PMVK: variants seen among roughly 807,000 people sequenced by gnomAD.
The protein encoded by PMVK is phosphomevalonate kinase.
Under a neutral mutation model 19.0 loss-of-function variants are expected in PMVK, and 10 were observed. That is an observed-to-expected ratio of 0.53 (90% CI 0.32 to 0.89). The LOEUF (loss-of-function observed/expected upper bound fraction) is 0.89. Among genes scored for constraint, PMVK ranks in the 40% least tolerant of loss-of-function variants. The probability of loss-of-function intolerance (pLI) is 0.03; values close to 1 mark genes in which losing one functional copy is unlikely to be tolerated. For missense variants in PMVK, 222 were observed against 251.1 expected (o/e 0.88, Z 0.78); for synonymous variants, 108 against 101.6 (o/e 1.06, Z -0.38).
intron 1 of PMVK, among the ~76,000 whole-genome samples, chr1:154,932,892 G>A (rs1654381040): frequency 6.6e-6 from 1 of 152,190 alleles, no homozygotes; most frequent in Non-Finnish European, 1.5e-5. Context: ...CTTGAGGCCA[G>A]GAGTTCAAGA....
At chr1:154,938,254 C>T (rs1438928012), upstream of PMVK, among the ~76,000 whole-genome samples, 1 of 152,194 alleles carries the variant, frequency 6.6e-6, no homozygotes, top group Non-Finnish European at 1.5e-5. Context: ...AATGCACGCC[C>T]CTTACCTCCC....
At chr1:154,928,036 C>T (rs1654221862) in intron 3 of PMVK, among the ~76,000 whole-genome samples, 1 of 152,136 alleles carries the variant, frequency 6.6e-6, no homozygotes, top group African/African-American at 2.4e-5. Flanking sequence ...AATATATCCC[C>T]ACAACATGCA....
chr1:154,936,663 G>A lies in PMVK; in HGVS notation c.23C>T (p.Pro8Leu). Residue 8 changes from proline to leucine, a missense_variant, in exon 1 of 5, where the codon CCG becomes CTG. Coordinates refer to ENST00000368467, the MANE Select transcript of PMVK (RefSeq NM_006556.4). ...GCCGCTGAACAGCAGTACCAGCCGC[G>A]GGGCGCCTCCCAGCGGGGCCATGGG... MAPLGGA[P>L]RLVLLFSGKR... 1.9e-6 allele frequency: 3 copies of A among 1,608,154 alleles called. No homozygotes were observed. Among genetic ancestry groups the A allele is most frequent in the Non-Finnish European group, 2.5e-6 (3 of 1,177,810 alleles).
upstream of PMVK, among the ~76,000 whole-genome samples, chr1:154,941,609 T>C (rs961621519): frequency 6.6e-6 from 1 of 152,094 alleles, no homozygotes; most frequent in African/African-American, 2.4e-5. Flanking sequence ...CAGTCCAGTG[T>C]GTGTCCTTGG....
Position 154,936,677 on chromosome 1 carries a change from C to G in PMVK, c.9G>C (p.Pro3=). The G allele has an allele frequency of 6.2e-7, 1 of 1,605,852 alleles. No individual in the cohort carries two copies. The highest frequency in any genetic ancestry group is 1.1e-5 in the South Asian group (1 of 89,620). The part of the protein sequence containing the change: MA[P]LGGAPRLVLL... ...GTACCAGCCGCGGGGCGCCTCCCAGCGGGGCCATGGGGCCGCCACGCCTCG... is the reference window on the plus strand; with the variant it reads ...GTACCAGCCGCGGGGCGCCTCCCAGGGGGGCCATGGGGCCGCCACGCCTCG... Residue 3 remains proline, a synonymous_variant, in exon 1 of 5, where the codon CCG becomes CCC. Coordinates refer to ENST00000368467, the MANE Select transcript of PMVK (RefSeq NM_006556.4).
In PMVK at chr1:154,926,477, TCA is replaced by T. The variant is rs749916190; in HGVS notation, c.317_318del (p.Val106GlufsTer2). The T allele has an allele frequency of 1.9e-6, 3 of 1,613,502 alleles. No homozygotes were observed. In the South Asian group the frequency reaches 3.3e-5, roughly 18 times the overall value. ...VEGISQPIWL[V>X]SDTRRVSDIQ... ...ATGTCAGACACTCTCCGTGTGTCAC[TCA>T]CCAGCTGCAGGAGAGGGACAGACAG... On this transcript the variant is annotated frameshift_variant, in exon 4 of 5. Coordinates refer to ENST00000368467, the MANE Select transcript of PMVK (RefSeq NM_006556.4). LOFTEE classifies it high-confidence loss of function.
chr1:154,936,137 C>A (rs748011190), intron 1 of PMVK, among the ~76,000 whole-genome samples: 9 of 152,302 alleles, frequency 5.9e-5, no homozygotes, highest in Non-Finnish European at 1.2e-4. Flanking sequence ...GGCTGGAGTG[C>A]AGTGGCCAAT....
At chr1:154,941,441 C>A (rs573552941), upstream of PMVK, among the ~76,000 whole-genome samples, 79 of 152,284 alleles carry the variant, frequency 5.2e-4, no homozygotes, top group African/African-American at 1.8e-3. Context: ...TAGGCAACAG[C>A]CCTCCACACC....
At chr1:154,939,545 A>G (rs1331732188), upstream of PMVK, among the ~76,000 whole-genome samples, 3 of 151,616 alleles carry the variant, frequency 2.0e-5, no homozygotes, top group African/African-American at 7.3e-5. Flanking sequence ...AAAAAAAACA[A>G]AACAGCCAAG....
At chr1:154,935,938 G>A (rs1002640686) in intron 1 of PMVK, among the ~76,000 whole-genome samples, 1 of 150,538 alleles carries the variant, frequency 6.6e-6, no homozygotes, top group African/African-American at 2.4e-5. Flanking sequence ...AGCCATCCTC[G>A]CACCTCTGTC....
At chr1:154,931,984 C>T (rs548865174) in intron 2 of PMVK, among the ~76,000 whole-genome samples, 64 of 152,212 alleles carry the variant, frequency 4.2e-4, no homozygotes, top group Non-Finnish European at 7.9e-4. Flanking sequence ...CCACCGTGCT[C>T]GGCCTGTACT....
the PMVK span, among the ~76,000 whole-genome samples, chr1:154,941,972 G>A: frequency 6.6e-6 from 1 of 152,152 alleles, no homozygotes; most frequent in South Asian, 2.1e-4. Context: ...AGATAAGGAC[G>A]GGAGGGGGGA....
At chr1:154,929,844 G>A (rs1342317814) in intron 2 of PMVK, among the ~76,000 whole-genome samples, 1 of 152,088 alleles carries the variant, frequency 6.6e-6, no homozygotes, top group Non-Finnish European at 1.5e-5. Flanking sequence ...GGTCTGAAAA[G>A]CATCACCTCG....
chr1:154,934,925 G>A (rs1654454420), intron 1 of PMVK, among the ~76,000 whole-genome samples: 1 of 151,900 alleles, frequency 6.6e-6, no homozygotes, highest in Admixed American at 6.6e-5. Context: ...AGCTGGGCAT[G>A]GTGGCACACA....
intron 4 of PMVK, among the ~76,000 whole-genome samples, chr1:154,925,707 A>G (rs1654132900): frequency 6.6e-6 from 1 of 152,240 alleles, no homozygotes; most frequent in Non-Finnish European, 1.5e-5. Context: ...GACCCTGGGA[A>G]AGAGACTTAA....
chr1:154,926,581 T>G, intron 3 of PMVK, 98 bp from the exon 4 acceptor site: 3 of 998,758 alleles, frequency 3.0e-6, no homozygotes, highest in Non-Finnish European at 4.5e-6. Flanking sequence ...GGGGTGTGGC[T>G]CTACCCCCCC....
At chr1:154,930,770 G>A (rs1282826638) in intron 2 of PMVK, among the ~76,000 whole-genome samples, 1 of 147,596 alleles carries the variant, frequency 6.8e-6, no homozygotes, top group Non-Finnish European at 1.5e-5. Flanking sequence ...AGTTTCATTT[G>A]GGAAAGAATC....
chr1:154,925,656 A>G (rs1654131578), intron 4 of PMVK, among the ~76,000 whole-genome samples: 1 of 152,250 alleles, frequency 6.6e-6, no homozygotes, highest in Non-Finnish European at 1.5e-5. Flanking sequence ...TGGAGTCAGA[A>G]GCAGAGGGTC....
chr1:154,935,851 G>A (rs1296059373), intron 1 of PMVK, among the ~76,000 whole-genome samples: 2 of 136,318 alleles, frequency 1.5e-5, no homozygotes, highest in African/African-American at 7.5e-5. Flanking sequence ...CATCGCACTA[G>A]GCTAACTTTT....
Sources: allele counts gnomAD v4.1 joint callset (sites outside exome capture counted in the v4.1 genomes callset), GRCh38; gene constraint gnomAD v4.1.1; transcripts MANE v1.5; gene names NCBI Gene and HGNC (gene_info 2026-07-23, HGNC 2026-07-21).